The following EN2 variants were observed in gnomAD, a reference collection of about 807,000 sequenced individuals.
EN2 encodes the protein homeobox protein engrailed-2.
EN2 carries 7 observed loss-of-function variants against 25.0 expected under a neutral mutation model. The observed-to-expected ratio is 0.28, with a 90% CI of 0.16 to 0.53. EN2 has a LOEUF of 0.53. Ranked by LOEUF, EN2 falls within the 20% of genes least tolerant of loss-of-function variation. EN2 has a pLI of 0.96. For missense variants in EN2, 524 were observed against 501.8 expected (o/e 1.04, Z -0.42); for synonymous variants, 277 against 243.3 (o/e 1.14, Z -1.29).
chr7:155,464,590 T>A lies in EN2; in HGVS notation c.*1903T>A, dbSNP rs1223650937. ...GCTTAGGAAACTCAATGAAATGACATGCCTTTTTAGCAGGAAGCAAAGTTG... is the reference window on the plus strand; with the variant it reads ...GCTTAGGAAACTCAATGAAATGACAAGCCTTTTTAGCAGGAAGCAAAGTTG... On this transcript the variant is annotated 3_prime_UTR_variant, in exon 2 of 2. Coordinates refer to ENST00000297375, the MANE Select transcript of EN2 (RefSeq NM_001427.4). 4 of 152,814 alleles carry A rather than the reference T, an allele frequency of 2.6e-5. No individual in the cohort carries two copies. Among genetic ancestry groups the A allele is most frequent in the African/African-American group, 9.6e-5 (4 of 41,596 alleles). 9.5% of individuals were successfully genotyped at this position (152,814 alleles called of 1,614,324 possible). A position where few individuals can be genotyped will look rare whatever the true frequency, so the allele number is the denominator to read the frequency against.
At position 155,463,184 on chromosome 7, in the gene EN2, G is replaced by A. The variant is rs1795716940; in HGVS notation, c.*497G>A. 1 of 154,108 alleles carries A rather than the reference G, an allele frequency of 6.5e-6. No individual in the cohort carries two copies. Among genetic ancestry groups the A allele is most frequent in the Admixed American group, 6.5e-5 (1 of 15,324 alleles). 9.5% of individuals were successfully genotyped at this position (154,108 alleles called of 1,614,324 possible). A position where few individuals can be genotyped will look rare whatever the true frequency, so the allele number is the denominator to read the frequency against. ...ACAGCAGGAGGGGCCCACACCTCAA[G>A]CCTGGACCAGCCACCTCAAGGCCTT... On this transcript the variant is annotated 3_prime_UTR_variant, in exon 2 of 2. Transcript: ENST00000297375.
chr7:155,458,221 C>A lies in EN2; in HGVS notation c.-157C>A. 9.6e-7 allele frequency: 1 copy of A among 1,037,420 alleles called. No homozygotes were observed. The highest frequency in any genetic ancestry group is 1.2e-6 in the Non-Finnish European group (1 of 801,076). 64.3% of individuals were successfully genotyped at this position (1,037,420 alleles called of 1,614,324 possible). A position where few individuals can be genotyped will look rare whatever the true frequency, so the allele number is the denominator to read the frequency against. ...GCTCCGCGCCGAGCGCGGCCGGCGA[C>A]TTGTAGGACCTCAGCCCTGGCCGCG... On this transcript the variant is annotated 5_prime_UTR_variant, in exon 1 of 2. Transcript: ENST00000297375.
At chr7:155,460,305 G>C (rs1278199333) in intron 1 of EN2, among the ~76,000 whole-genome samples, 1 of 152,184 alleles carries the variant, frequency 6.6e-6, no homozygotes, top group Non-Finnish European at 1.5e-5. Flanking sequence ...CCGGGAGCTG[G>C]GCAGCACCGC....
At chr7:155,462,285 TG>T in intron 1 of EN2, 85 bp from the exon 2 acceptor site, 1 of 1,482,850 alleles carries the variant, frequency 6.7e-7, no homozygotes, top group South Asian at 1.4e-5. Context: ...ACTTCCCTCT[TG>T]GGGCCCCAGA....
chr7:155,462,243 G>A, intron 1 of EN2, 128 bp from the exon 2 acceptor site: 1 of 1,035,692 alleles, frequency 9.7e-7, no homozygotes, highest in Non-Finnish European at 1.4e-6. Context: ...CCCACATCTG[G>A]CGGTTCAGCC....
rs745737925 is a variant in EN2 at position 155,458,453 on chromosome 7, G to C, written c.76G>C (p.Gly26Arg). Reference sequence around the variant, plus strand: ...ACAGCGGCAGCCGGAATCCAGCCCCGGCGGCGGCTCGGGCGGCGGCGGCGG... The same window carrying C: ...ACAGCGGCAGCCGGAATCCAGCCCCCGCGGCGGCTCGGGCGGCGGCGGCGG... Reference protein sequence around the residue: ...EGQRQPESSPGGGSGGGGGSS... With the variant: ...EGQRQPESSPRGGSGGGGGSS... Residue 26 changes from glycine (G) to arginine (R), a missense_variant, in exon 1 of 2, where the codon GGC (glycine) becomes CGC (arginine). Coordinates refer to ENST00000297375, the MANE Select transcript of EN2 (RefSeq NM_001427.4). The C allele has an allele frequency of 1.5e-6, 2 of 1,304,342 alleles. No individual in the cohort carries two copies. Among genetic ancestry groups the C allele is most frequent in the Non-Finnish European group, 1.9e-6 (2 of 1,026,278 alleles). 80.8% of individuals were successfully genotyped at this position (1,304,342 alleles called of 1,614,324 possible).
In EN2 at chr7:155,458,530, C is replaced by T. The variant is rs1469189333; in HGVS notation, c.153C>T (p.Pro51=). 6.5e-6 allele frequency: 9 copies of T among 1,374,182 alleles called. No homozygotes were observed. In the East Asian group the frequency reaches 1.5e-4, roughly 23 times the overall value. The allele number at this position is 1,374,182 out of a possible 1,614,324, so 85.1% of individuals were successfully genotyped here. A position where few individuals can be genotyped will look rare whatever the true frequency, so the allele number is the denominator to read the frequency against. The change falls in exon 1 of 2, where the codon CCC becomes CCT. Residue 51 remains proline, a synonymous_variant. Transcript: ENST00000297375. The stretch of plus-strand genomic sequence containing the variant: ...GGCGCCGGCGGGCTCTGATGCTGCC[C>T]GCGGTCCTGCAGGCGCCCGGCAACC... ...DTGRRRALML[P]AVLQAPGNHQ... is the part of the protein sequence containing the mutation.
At position 155,458,311 on chromosome 7, in the gene EN2, G is replaced by A; in HGVS notation, c.-67G>A. 7.9e-7 allele frequency: 1 copy of A among 1,259,036 alleles called. No homozygotes were observed. Among genetic ancestry groups the A allele is most frequent in the Non-Finnish European group, 1.0e-6 (1 of 995,496 alleles). 78.0% of individuals were successfully genotyped at this position (1,259,036 alleles called of 1,614,324 possible). ...GCGCGGGGGTCTCCGTGTGCGCCGC[G>A]GGAGGGCCGAAGGCTGATTTGGAAG... On this transcript the variant is annotated 5_prime_UTR_variant, in exon 1 of 2. Coordinates refer to ENST00000297375, the MANE Select transcript of EN2 (RefSeq NM_001427.4).
In EN2 at chr7:155,458,251, C is replaced by T. The variant is rs1795648911; in HGVS notation, c.-127C>T. On this transcript the variant is annotated 5_prime_UTR_variant, in exon 1 of 2. Coordinates refer to ENST00000297375, the MANE Select transcript of EN2 (RefSeq NM_001427.4). ...AGGACCTCAGCCCTGGCCGCGGCCG[C>T]CGCGCACGCCCTCGGAAGACTCGGC... 9 of 1,213,048 alleles carry T rather than the reference C, an allele frequency of 7.4e-6. No homozygotes were observed. Among genetic ancestry groups the T allele is most frequent in the Admixed American group, 4.3e-5 (1 of 23,428 alleles). The allele number at this position is 1,213,048 out of a possible 1,614,324, so 75.1% of individuals were successfully genotyped here. A position where few individuals can be genotyped will look rare whatever the true frequency, so the allele number is the denominator to read the frequency against.
rs148064651 is a variant in EN2 at position 155,462,594 on chromosome 7, G to A, written c.909G>A (p.Thr303=). Reference sequence around the variant, plus strand: ...AGCGCGCCAAGATCAAGAAGGCCACGGGCAACAAGAACACGCTGGCCGTGC... The same window carrying A: ...AGCGCGCCAAGATCAAGAAGGCCACAGGCAACAAGAACACGCTGGCCGTGC... ...QNKRAKIKKA[T]GNKNTLAVHL... Residue 303 remains threonine (T), a synonymous_variant, in exon 2 of 2, where the codon ACG becomes ACA. Coordinates refer to ENST00000297375, the MANE Select transcript of EN2 (RefSeq NM_001427.4). The A allele has an allele frequency of 3.5e-5, 57 of 1,613,986 alleles. No homozygotes were observed. The African/African-American group carries it at 5.7e-4, about 16-fold the overall frequency.
chr7:155,461,256 G>A (rs1015277713), intron 1 of EN2, among the ~76,000 whole-genome samples: 9 of 152,206 alleles, frequency 5.9e-5, no homozygotes, highest in African/African-American at 2.2e-4. Flanking sequence ...TTCATACACC[G>A]CACAAATTGA....
In EN2 at chr7:155,464,001, C is replaced by CACAT. The variant is rs1465401204; in HGVS notation, c.*1317_*1318insTACA. 1 of 128,190 alleles carries CACAT rather than the reference C, an allele frequency of 7.8e-6. No individual in the cohort carries two copies. Among genetic ancestry groups the CACAT allele is most frequent in the Admixed American group, 8.0e-5 (1 of 12,424 alleles). The allele number at this position is 128,190 out of a possible 1,614,324, so 7.9% of individuals were successfully genotyped here. A position where few individuals can be genotyped will look rare whatever the true frequency, so the allele number is the denominator to read the frequency against. ...ATATGTCTGCATGCATGTGAACACA[C>CACAT]ACACACACACACACACACCAGGCGT... On this transcript the variant is annotated 3_prime_UTR_variant, in exon 2 of 2. Transcript: ENST00000297375.
chr7:155,463,592 C>T lies in EN2; in HGVS notation c.*905C>T, dbSNP rs924579277. ...TCTGTGTCGCTGTCCCCAGTCCCAC[C>T]GCAGTCCTGCCGCAGGCCTAACCCT... On this transcript the variant is annotated 3_prime_UTR_variant, in exon 2 of 2. Transcript: ENST00000297375. 3 of 151,712 alleles carry T rather than the reference C, an allele frequency of 2.0e-5. No individual in the cohort carries two copies. Among genetic ancestry groups the T allele is most frequent in the Admixed American group, 6.6e-5 (1 of 15,186 alleles). 9.4% of individuals were successfully genotyped at this position (151,712 alleles called of 1,614,324 possible).
Position 155,459,728 on chromosome 7 carries a change from G to A in EN2, c.685+666G>A, listed in dbSNP as rs1228700835. Among the ~76,000 whole-genome samples the A allele has an allele frequency of 2.0e-5, 3 of 152,230 alleles. No individual in the cohort carries two copies. The East Asian group carries it at 5.8e-4, about 29-fold the overall frequency. On this transcript the variant is annotated intron_variant, in intron 1 of 1. Coordinates refer to ENST00000297375, the MANE Select transcript of EN2 (RefSeq NM_001427.4). ...TGCCAGCGCCAGCCCGCAGTGGTGG[G>A]GCTCAGCCCCCTTCCTGCACACAGC...
Position 155,462,690 on chromosome 7 carries a change from C to A in EN2, c.*3C>A, listed in dbSNP as rs12674067. On this transcript the variant is annotated 3_prime_UTR_variant, in exon 2 of 2. Transcript: ENST00000297375. ...AGGGCAAGTCGGACAGCGAGTAGGG[C>A]GGGGGGCATGGAGGCCAGGTCTCAG... The A allele has an allele frequency of 5.9e-5, 93 of 1,566,818 alleles. 1 individual carries two copies. The highest frequency in any genetic ancestry group is 2.9e-4 in the Admixed American group (15 of 52,600).
rs1327818120 is a variant in EN2 at position 155,462,629 on chromosome 7, C to A, written c.944C>A (p.Ala315Glu). The change falls in exon 2 of 2, where the codon GCA becomes GAA. Residue 315 changes from alanine to glutamate, a missense_variant. Transcript: ENST00000297375. Reference sequence around the variant, plus strand: ...AACACGCTGGCCGTGCACCTCATGGCACAGGGCTTGTACAACCACTCCACC... The same window carrying A: ...AACACGCTGGCCGTGCACCTCATGGAACAGGGCTTGTACAACCACTCCACC... ...NKNTLAVHLM[A>E]QGLYNHSTTA... 1 of 1,612,184 alleles carries A rather than the reference C, an allele frequency of 6.2e-7. No homozygotes were observed. Among genetic ancestry groups the A allele is most frequent in the Admixed American group, 1.7e-5 (1 of 59,654 alleles).
At position 155,458,423 on chromosome 7, in the gene EN2, G is replaced by A; in HGVS notation, c.46G>A (p.Glu16Lys). ...GCCTGGCGAAGCAGCGGCGGCGGTG[G>A]AGGGACAGCGGCAGCCGGAATCCAG... ...PKPGEAAAAV[E>K]GQRQPESSPG... The change falls in exon 1 of 2, where the codon GAG becomes AAG. Residue 16 changes from glutamate to lysine, a missense_variant. Coordinates refer to ENST00000297375, the MANE Select transcript of EN2 (RefSeq NM_001427.4). 7.7e-7 allele frequency: 1 copy of A among 1,304,438 alleles called. No individual in the cohort carries two copies. 80.8% of individuals were successfully genotyped at this position (1,304,438 alleles called of 1,614,324 possible). A position where few individuals can be genotyped will look rare whatever the true frequency, so the allele number is the denominator to read the frequency against.
At chr7:155,461,298 G>T (rs1861972) in intron 1 of EN2, among the ~76,000 whole-genome samples, 1 of 152,132 alleles carries the variant, frequency 6.6e-6, no homozygotes, top group South Asian at 2.1e-4. Context: ...CTCCCTGCCA[G>T]TGGCCTTGCC....
chr7:155,461,426 C>G (rs1795694820), intron 1 of EN2, among the ~76,000 whole-genome samples: 1 of 152,200 alleles, frequency 6.6e-6, no homozygotes, highest in Non-Finnish European at 1.5e-5. Flanking sequence ...GATAGCAGGT[C>G]CTAGAAGCCT....
Sources: gnomAD v4.1 joint callset for allele counts (sites outside exome capture counted in the v4.1 genomes callset) on GRCh38, gnomAD v4.1.1 for gene constraint, MANE v1.5 for transcripts, NCBI Gene and HGNC (gene_info 2026-07-23, HGNC 2026-07-21) for gene names.